The following MAGI2 variants were observed in gnomAD, a reference collection of about 807,000 sequenced individuals.
MAGI2 encodes membrane associated guanylate kinase, WW and PDZ domain containing 2, also known as membrane-associated guanylate kinase, WW and PDZ domain-containing protein 2.
In MAGI2, 35 loss-of-function variants were observed where a neutral mutation model predicts 133.3. The observed-to-expected ratio is 0.26, with a 90% CI of 0.20 to 0.35. The LOEUF (loss-of-function observed/expected upper bound fraction) is 0.35, where lower values mean the gene tolerates loss of function less well. Ranked by LOEUF, MAGI2 falls within the 10% of genes least tolerant of loss-of-function variation. MAGI2 has a pLI of 1.00. For synonymous variants in MAGI2, 729 were observed against 710.6 expected, an observed-to-expected ratio of 1.03 and a Z score of -0.41; for missense variants, 1,636 against 1,863.4, an observed-to-expected ratio of 0.88 and a Z score of 2.25.
chr7:78,298,179 A>G (rs1335278021), intron 9 of MAGI2, among the ~76,000 whole-genome samples: 1 of 152,162 alleles, frequency 6.6e-6, no homozygotes, highest in African/African-American at 2.4e-5. Context: ...GCATTCTACA[A>G]AATTCCTGAA....
chr7:78,032,410 T>C (rs1809686049), intron 21 of MAGI2, among the ~76,000 whole-genome samples: 3 of 152,182 alleles, frequency 2.0e-5, no homozygotes, highest in Admixed American at 6.5e-5. Flanking sequence ...AGATGGGGTT[T>C]CGTCATGTTG....
rs1377663569 is a variant in MAGI2, at chr7:78,573,045, A to G, written c.539-51400T>C. ...TATATGCATATGTATGTATATATATATATATATATATATATATATATATAT... is the reference window on the plus strand; with the variant it reads ...TATATGCATATGTATGTATATATATGTATATATATATATATATATATATAT... On this transcript the variant is annotated intron_variant, in intron 3 of 21. Coordinates refer to ENST00000354212, the MANE Select transcript of MAGI2 (RefSeq NM_012301.4). 9.6e-3 allele frequency among the ~76,000 whole-genome samples: 639 copies of G among 66,508 alleles called. 19 individuals carry two copies. Among genetic ancestry groups the G allele is most frequent in the Non-Finnish European group, 0.014 (519 of 38,290 alleles). 43.6% of individuals were successfully genotyped at this position (66,508 alleles called of 152,430 possible).
At chr7:79,067,013 C>A (rs1172304483) in intron 1 of MAGI2, among the ~76,000 whole-genome samples, 1 of 152,102 alleles carries the variant, frequency 6.6e-6, no homozygotes, top group Non-Finnish European at 1.5e-5. Context: ...TTACTGTACA[C>A]TTGTAGTATA....
At chr7:79,293,499 T>C (rs933208775) in intron 1 of MAGI2, among the ~76,000 whole-genome samples, 1 of 152,352 alleles carries the variant, frequency 6.6e-6, no homozygotes, top group Non-Finnish European at 1.5e-5. Context: ...CAATAATTAT[T>C]TTCTACATAG....
intron 1 of MAGI2, among the ~76,000 whole-genome samples, chr7:79,364,056 G>A (rs1448309718): frequency 6.6e-6 from 1 of 151,818 alleles, no homozygotes; most frequent in African/African-American, 2.4e-5. Flanking sequence ...ACCTCACACC[G>A]ATGGAATGTC....
chr7:78,635,002 C>A (rs912658814), intron 2 of MAGI2, among the ~76,000 whole-genome samples: 1 of 152,098 alleles, frequency 6.6e-6, no homozygotes, highest in African/African-American at 2.4e-5. Context: ...TAAGTTGAGG[C>A]TTTGTTTCAT....
chr7:79,266,563 T>G (rs1009181727), intron 1 of MAGI2, among the ~76,000 whole-genome samples: 1 of 152,056 alleles, frequency 6.6e-6, no homozygotes, highest in African/African-American at 2.4e-5. Flanking sequence ...ACTGCCCAGG[T>G]GATGTAATGT....
At chr7:78,137,351 C>T (rs1822261019) in intron 16 of MAGI2, among the ~76,000 whole-genome samples, 1 of 152,330 alleles carries the variant, frequency 6.6e-6, no homozygotes, top group Non-Finnish European at 1.5e-5. Flanking sequence ...ACTTCACAGA[C>T]TGCATCTGAG....
chr7:78,760,202 C>A (rs927916790), intron 2 of MAGI2, among the ~76,000 whole-genome samples: 6 of 152,126 alleles, frequency 3.9e-5, no homozygotes, highest in Admixed American at 6.5e-5. Context: ...CCTTTTATAA[C>A]CTGTATTTTT....
chr7:78,639,609 C>T (rs986440546), intron 2 of MAGI2, among the ~76,000 whole-genome samples: 1 of 152,102 alleles, frequency 6.6e-6, no homozygotes, highest in Non-Finnish European at 1.5e-5. Flanking sequence ...AACAAAAATT[C>T]ACAACTCAGC....
At chr7:78,869,463 A>G (rs982127721) in intron 2 of MAGI2, among the ~76,000 whole-genome samples, 4 of 152,158 alleles carry the variant, frequency 2.6e-5, no homozygotes, top group Non-Finnish European at 4.4e-5. Context: ...TTATCCCAAC[A>G]CCATTTATTG....
At chr7:79,303,765 G>C (rs1291993899) in intron 1 of MAGI2, among the ~76,000 whole-genome samples, 1 of 152,090 alleles carries the variant, frequency 6.6e-6, no homozygotes, top group African/African-American at 2.4e-5. Context: ...ATCATGAATT[G>C]ATAGCCCAGA....
chr7:78,634,084 GA>G (rs1294540588), intron 2 of MAGI2, among the ~76,000 whole-genome samples: 1 of 151,746 alleles, frequency 6.6e-6, no homozygotes, highest in East Asian at 1.9e-4. Context: ...TTATAATAAA[GA>G]AAAAAAATTT....
chr7:78,958,026 G>A (rs1166860234), intron 2 of MAGI2, among the ~76,000 whole-genome samples: 2 of 152,076 alleles, frequency 1.3e-5, no homozygotes, highest in East Asian at 1.9e-4. Context: ...TCTTTTCTCC[G>A]ACTAAGCCAC....
At chr7:78,598,331 A>G (rs539057457) in intron 3 of MAGI2, among the ~76,000 whole-genome samples, 21 of 152,148 alleles carry the variant, frequency 1.4e-4, no homozygotes, top group African/African-American at 5.1e-4. Context: ...ACGGTGGGAG[A>G]AAGGAGTTAG....
At chr7:78,695,418 C>G (rs972774072) in intron 2 of MAGI2, among the ~76,000 whole-genome samples, 3 of 152,126 alleles carry the variant, frequency 2.0e-5, no homozygotes, top group African/African-American at 4.8e-5. Context: ...TGCTCTGTAT[C>G]TGATGTCAAA....
chr7:78,299,070 G>A (rs555239459), intron 9 of MAGI2, among the ~76,000 whole-genome samples: 5 of 152,072 alleles, frequency 3.3e-5, no homozygotes, highest in East Asian at 1.9e-4. Context: ...CACCCATCCC[G>A]GCCTCCCAAA....
intron 2 of MAGI2, among the ~76,000 whole-genome samples, chr7:78,768,651 A>C (rs980904853): frequency 6.6e-6 from 1 of 152,206 alleles, no homozygotes; most frequent in Non-Finnish European, 1.5e-5. Context: ...TATTGTACTC[A>C]AGTCTTTCTT....
At chr7:78,832,270 G>T (rs909102136) in intron 2 of MAGI2, among the ~76,000 whole-genome samples, 1 of 151,854 alleles carries the variant, frequency 6.6e-6, no homozygotes, top group African/African-American at 2.4e-5. Flanking sequence ...ACTAAGAAAG[G>T]AAAATAATAC....
Sources: allele counts gnomAD v4.1 joint callset (sites outside exome capture counted in the v4.1 genomes callset), GRCh38; gene constraint gnomAD v4.1.1; transcripts MANE v1.5; gene names NCBI Gene and HGNC (gene_info 2026-07-23, HGNC 2026-07-21).